The following HDAC9 variants were observed in gnomAD, a reference collection of about 807,000 sequenced individuals.
The protein encoded by HDAC9 is histone deacetylase 9.
A neutral mutation model predicts 139.4 loss-of-function variants in HDAC9; 41 were observed. The ratio of observed to expected loss-of-function variants is 0.29; its 90% confidence interval spans 0.23 to 0.38. The LOEUF is 0.38. HDAC9 is among the 10% of genes least tolerant of loss of function. HDAC9 has a pLI of 1.00. For synonymous variants in HDAC9, 517 were observed against 476.2 expected (o/e 1.09, Z -1.12); for missense variants, 1,147 against 1,297.0 (o/e 0.88, Z 1.78).
At chr7:18,113,492 G>T (rs1302207054) in intron 1 of HDAC9, among the ~76,000 whole-genome samples, 2 of 152,156 alleles carry the variant, frequency 1.3e-5, no homozygotes, top group Non-Finnish European at 2.9e-5. Context: ...GATCAGAAAT[G>T]GGATATAATT....
At chr7:18,255,340 C>T (rs545799379) in intron 2 of HDAC9, among the ~76,000 whole-genome samples, 65 of 152,098 alleles carry the variant, frequency 4.3e-4, no homozygotes, top group African/African-American at 1.5e-3. Context: ...GTTGGAGAGC[C>T]GGGCAAGACA....
chr7:18,687,077 C>A (rs1431383031), intron 12 of HDAC9, among the ~76,000 whole-genome samples: 1 of 151,786 alleles, frequency 6.6e-6, no homozygotes, highest in African/African-American at 2.4e-5. Flanking sequence ...TGTTTAAAGT[C>A]TGAATTTTCC....
chr7:18,992,235 G>C (rs1264330481), intron 25 of HDAC9, among the ~76,000 whole-genome samples: 1 of 152,224 alleles, frequency 6.6e-6, no homozygotes, highest in Non-Finnish European at 1.5e-5. Flanking sequence ...TGAATAGAGA[G>C]TTGGAGTCAA....
intron 2 of HDAC9, among the ~76,000 whole-genome samples, chr7:18,220,219 A>G (rs1478332672): frequency 3.3e-5 from 5 of 152,328 alleles, no homozygotes; most frequent in South Asian, 4.1e-4. Context: ...CCAAGAGTGT[A>G]TGTGATGGGA....
intron 2 of HDAC9, among the ~76,000 whole-genome samples, chr7:18,166,553 T>C (rs1788025429): frequency 6.6e-6 from 1 of 152,186 alleles, no homozygotes; most frequent in African/African-American, 2.4e-5. Flanking sequence ...GAAATATAAA[T>C]TGTTATGGAA....
intron 2 of HDAC9, among the ~76,000 whole-genome samples, chr7:18,215,651 T>C (rs1792255599): frequency 6.6e-6 from 1 of 152,176 alleles, no homozygotes; most frequent in Non-Finnish European, 1.5e-5. Context: ...GGCACTGCTC[T>C]CTTGTGACAT....
At chr7:18,394,690 C>T (rs1392281134) in intron 1 of HDAC9, among the ~76,000 whole-genome samples, 2 of 152,070 alleles carry the variant, frequency 1.3e-5, no homozygotes, top group African/African-American at 4.8e-5. Flanking sequence ...CAATAGACTA[C>T]ATTTCATTTC....
intron 2 of HDAC9, among the ~76,000 whole-genome samples, chr7:18,186,120 G>A (rs1160481801): frequency 6.6e-6 from 1 of 152,152 alleles, no homozygotes; most frequent in Non-Finnish European, 1.5e-5. Context: ...TTAGAGACTT[G>A]CCTAGCTAGG....
intron 17 of HDAC9, among the ~76,000 whole-genome samples, chr7:18,795,137 T>C (rs1792669882): frequency 6.6e-6 from 1 of 151,886 alleles, no homozygotes; most frequent in Non-Finnish European, 1.5e-5. Flanking sequence ...AGTATGGGCA[T>C]GCTGACCACC....
intron 2 of HDAC9, among the ~76,000 whole-genome samples, chr7:18,273,065 T>C: frequency 8.0e-6 from 1 of 124,622 alleles, no homozygotes; most frequent in Non-Finnish European, 1.7e-5. Flanking sequence ...CGTTTTTTTT[T>C]TTTTTTTTTT....
At chr7:18,351,463 A>G (rs1782843473) in intron 1 of HDAC9, among the ~76,000 whole-genome samples, 1 of 152,194 alleles carries the variant, frequency 6.6e-6, no homozygotes, top group South Asian at 2.1e-4. Flanking sequence ...CCCCAAAACA[A>G]AAAAAGACAG....
intron 2 of HDAC9, among the ~76,000 whole-genome samples, chr7:18,536,750 A>G (rs1172264572): frequency 2.0e-5 from 3 of 152,202 alleles, no homozygotes; most frequent in Non-Finnish European, 4.4e-5. Flanking sequence ...CTTTAAGGAA[A>G]TAGGAGATTA....
chr7:18,837,523 C>A (rs1169515394), intron 21 of HDAC9, among the ~76,000 whole-genome samples: 1 of 152,002 alleles, frequency 6.6e-6, no homozygotes, highest in Non-Finnish European at 1.5e-5. Context: ...GCATGATACA[C>A]ATTAAATTCA....
chr7:18,459,764 A>C (rs571056815), intron 1 of HDAC9, among the ~76,000 whole-genome samples: 1 of 152,104 alleles, frequency 6.6e-6, no homozygotes, highest in Non-Finnish European at 1.5e-5. Context: ...TATTAAAGTG[A>C]AAGGAAATTC....
chr7:18,550,227 A>C (rs942879468), intron 2 of HDAC9, among the ~76,000 whole-genome samples: 2 of 152,180 alleles, frequency 1.3e-5, no homozygotes, highest in Non-Finnish European at 2.9e-5. Flanking sequence ...ACAAAACTGA[A>C]AACAGCCAGT....
At chr7:18,624,845 C>A (rs1057268044) in intron 6 of HDAC9, among the ~76,000 whole-genome samples, 1 of 151,922 alleles carries the variant, frequency 6.6e-6, no homozygotes, top group African/African-American at 2.4e-5. Context: ...AGTTATCTAT[C>A]ATCTCATCTC....
rs148186266 is a variant in HDAC9, at chr7:18,664,679, T to G, written c.1468-1534T>G. Reference sequence around the variant, plus strand: ...TAACTTACTCCTTTCCATCCTTCATTCTTTGTGTCTAAACCTAAATATAAC... The same window carrying G: ...TAACTTACTCCTTTCCATCCTTCATGCTTTGTGTCTAAACCTAAATATAAC... On this transcript the variant is annotated intron_variant, in intron 11 of 25. Coordinates refer to ENST00000686413, the MANE Select transcript of HDAC9 (RefSeq NM_178425.4). Among the ~76,000 whole-genome samples, 550 of 152,182 alleles carry G rather than the reference T, an allele frequency of 3.6e-3. 2 individuals are homozygous for G. The highest frequency in any genetic ancestry group is 0.013 in the African/African-American group (530 of 41,538).
At chr7:18,611,291 A>C (rs1424794075) in intron 6 of HDAC9, among the ~76,000 whole-genome samples, 1 of 152,124 alleles carries the variant, frequency 6.6e-6, no homozygotes, top group East Asian at 1.9e-4. Context: ...ATAAATGGGT[A>C]ATCAGTGGAT....
At chr7:18,695,305 A>G (rs1782964423) in intron 12 of HDAC9, among the ~76,000 whole-genome samples, 1 of 152,198 alleles carries the variant, frequency 6.6e-6, no homozygotes, top group South Asian at 2.1e-4. Context: ...ACACGAGATA[A>G]TGCTCAAGGA....
Sources: gnomAD v4.1 joint callset for allele counts (sites outside exome capture counted in the v4.1 genomes callset) on GRCh38, gnomAD v4.1.1 for gene constraint, MANE v1.5 for transcripts, NCBI Gene and HGNC (gene_info 2026-07-23, HGNC 2026-07-21) for gene names.